MACF1: variants seen among roughly 807,000 people sequenced by gnomAD.
The protein encoded by MACF1 is microtubule actin crosslinking factor 1, also known as microtubule-actin cross-linking factor 1.
MACF1 carries 193 observed loss-of-function variants against 854.8 expected under a neutral mutation model. The ratio of observed to expected loss-of-function variants is 0.23; its 90% CI spans 0.20 to 0.25. The LOEUF (loss-of-function observed/expected upper bound fraction) is 0.25. Ranked by LOEUF, MACF1 falls within the 10% of genes least tolerant of loss-of-function variation. The pLI is 1.00. For missense variants in MACF1, 7,722 were observed against 8,929.1 expected, an observed-to-expected ratio of 0.86 and a Z score of 5.45; for synonymous variants, 3,185 against 3,226.7, an observed-to-expected ratio of 0.99 and a Z score of 0.44.
intron 2 of MACF1, among the ~76,000 whole-genome samples, chr1:39,102,537 G>C (rs964955824): frequency 6.6e-6 from 1 of 152,144 alleles, no homozygotes; most frequent in African/African-American, 2.4e-5. Flanking sequence ...TAATCTGGGA[G>C]GAAAGTCGGT....
intron 52 of MACF1, among the ~76,000 whole-genome samples, chr1:39,375,015 C>A (rs531435235): frequency 6.8e-6 from 1 of 147,470 alleles, no homozygotes; most frequent in African/African-American, 2.7e-5. Context: ...GAGGCTGAGG[C>A]AGGAGAATGG....
chr1:39,106,956 CAA>C (rs1642259457), intron 2 of MACF1, among the ~76,000 whole-genome samples: 1 of 152,242 alleles, frequency 6.6e-6, no homozygotes, highest in South Asian at 2.1e-4. Flanking sequence ...CTGCCTGCAG[CAA>C]GTTTTCTGTC....
At chr1:39,106,405 C>T (rs930202460) in intron 2 of MACF1, among the ~76,000 whole-genome samples, 1 of 152,164 alleles carries the variant, frequency 6.6e-6, no homozygotes, top group Non-Finnish European at 1.5e-5. Context: ...AAGTTAATGC[C>T]TAATCTGCGC....
At chr1:39,151,300 G>A (rs80343439) in intron 2 of MACF1, among the ~76,000 whole-genome samples, 2,384 of 152,244 alleles carry the variant, frequency 0.016, 24 homozygotes, top group African/African-American at 0.031. Flanking sequence ...GATAACAGTA[G>A]TACTTTCTTA....
intron 1 of MACF1, among the ~76,000 whole-genome samples, chr1:39,228,744 C>T (rs978454525): frequency 1.3e-5 from 2 of 152,234 alleles, no homozygotes; most frequent in African/African-American, 4.8e-5. Context: ...ACCTCCGCCT[C>T]CTGGGTTCAA....
rs917480963 is a variant in MACF1, at chr1:39,217,298, G to A, written c.109+12167G>A. Among the ~76,000 whole-genome samples, 6 of 140,344 alleles carry A rather than the reference G, an allele frequency of 4.3e-5. 1 individual carries two copies. The highest frequency in any genetic ancestry group is 4.4e-4 in the South Asian group (2 of 4,528). The allele number at this position is 140,344 out of a possible 152,430, so 92.1% of individuals were successfully genotyped here. ...TTTTATTTTATTTTATTTTAGAGAC[G>A]GAGTCTTACTCTGTTGCTCAGGCTG... On this transcript the variant is annotated intron_variant, in intron 1 of 100. Coordinates refer to ENST00000564288, the MANE Select transcript of MACF1 (RefSeq NM_001394062.1).
chr1:39,450,638 A>G (rs1180378), intron 84 of MACF1, among the ~76,000 whole-genome samples: 83,520 of 137,890 alleles, frequency 0.61, 26,467 homozygotes, highest in African/African-American at 0.78. Flanking sequence ...TTGAGATGGA[A>G]TCTCGCTCTG....
intron 30 of MACF1, 82 bp from the exon 31 acceptor site, chr1:39,319,582 T>C (rs1646474623): frequency 1.0e-6 from 1 of 962,458 alleles, no homozygotes; most frequent in South Asian, 1.5e-5. Context: ...GTTTGGAAAC[T>C]ACTGCCTTAG....
Position 39,422,846 on chromosome 1 carries a change from G to C in MACF1, c.16095G>C (p.Gln5365His). ...LADTEELIANQKPPSAEYKVV... is the reference protein window; with the variant it reads ...LADTEELIANHKPPSAEYKVV... The stretch of plus-strand genomic sequence containing the variant: ...ATACCGAGGAGCTCATAGCCAATCA[G>C]AAACCTCCATCTGCTGAGTATAAAG... Residue 5365 changes from glutamine (Q) to histidine (H), a missense_variant, in exon 60 of 101, where the codon CAG becomes CAC. Around this residue, in one of 15 missense-constraint regions of MACF1, gnomAD observed 2,807 missense variants for 3,235.8 expected, o/e 0.87. Transcript: ENST00000564288. 6.2e-7 allele frequency: 1 copy of C among 1,614,190 alleles called. No homozygotes were observed. The highest frequency in any genetic ancestry group is 8.5e-7 in the Non-Finnish European group (1 of 1,180,038).
intron 84 of MACF1, among the ~76,000 whole-genome samples, chr1:39,449,396 C>G (rs536811240): frequency 3.1e-4 from 47 of 152,006 alleles, no homozygotes; most frequent in African/African-American, 1.1e-3. Context: ...CCTATTTGTA[C>G]TTTTTTTTGT....
chr1:39,356,328 C>G (rs1035751617), intron 44 of MACF1, among the ~76,000 whole-genome samples: 1 of 151,940 alleles, frequency 6.6e-6, no homozygotes, highest in African/African-American at 2.4e-5. Context: ...CTAGTAGGGA[C>G]AGTCTTCATG....
chr1:39,388,872 C>CTTTTTTTTTTTTTTTTTTT (rs548104092), intron 58 of MACF1, among the ~76,000 whole-genome samples: 10 of 87,242 alleles, frequency 1.1e-4, no homozygotes, highest in African/African-American at 1.5e-4. Flanking sequence ...TCTTCTTCTT[C>CTTTTTTTTTTTTTTTTTTT]TTTTTTTTTT....
chr1:39,288,251 C>A (rs1005228935), intron 15 of MACF1, among the ~76,000 whole-genome samples: 1 of 152,130 alleles, frequency 6.6e-6, no homozygotes, highest in Non-Finnish European at 1.5e-5. Flanking sequence ...GTATTCCCAG[C>A]ACTTTGGGAG....
intron 2 of MACF1, among the ~76,000 whole-genome samples, chr1:39,239,832 A>G (rs1247849498): frequency 6.6e-6 from 1 of 152,216 alleles, no homozygotes; most frequent in Admixed American, 6.5e-5. Flanking sequence ...CTGGAATTTT[A>G]GATAAAATTT....
chr1:39,412,203 C>T (rs1643042452), intron 58 of MACF1: 1 of 1,613,934 alleles, frequency 6.2e-7, no homozygotes. Flanking sequence ...GTGAGGAGTG[C>T]ATTGAGAGGG....
chr1:39,383,101 A>G (rs1409337139), intron 56 of MACF1, among the ~76,000 whole-genome samples: 1 of 152,240 alleles, frequency 6.6e-6, no homozygotes, highest in Non-Finnish European at 1.5e-5. Context: ...AGCCTGGGCA[A>G]CAGAGCAAAA....
At chr1:39,373,463 T>C (rs1569773043) in intron 52 of MACF1, 3 of 108,272 alleles carry the variant, frequency 2.8e-5, no homozygotes, top group Admixed American at 1.3e-4. Flanking sequence ...AGAGTGAGAC[T>C]CCATCTCAGG....
chr1:39,227,117 T>G (rs1037196777), intron 1 of MACF1, among the ~76,000 whole-genome samples: 6 of 152,202 alleles, frequency 3.9e-5, no homozygotes, highest in African/African-American at 1.4e-4. Flanking sequence ...GGCACAATGA[T>G]AGCTTGCTGC....
At chr1:39,381,378 T>TTTTGG (rs1553330389) in intron 55 of MACF1, among the ~76,000 whole-genome samples, 2 of 101,958 alleles carry the variant, frequency 2.0e-5, no homozygotes, top group South Asian at 3.2e-4. Context: ...TTTTTTTTTT[T>TTTTGG]GGGGGGGGGG....
Sources: gnomAD v4.1 joint callset for allele counts (sites outside exome capture counted in the v4.1 genomes callset) on GRCh38, gnomAD v4.1.1 for gene constraint, gnomAD v4.1.1 regional missense constraint, MANE v1.5 for transcripts, NCBI Gene and HGNC (gene_info 2026-07-23, HGNC 2026-07-21) for gene names.